The following RNF17 variants were observed in gnomAD, a reference collection of about 807,000 sequenced individuals.
The protein encoded by RNF17 is ring finger protein 17.
In RNF17, 31 loss-of-function variants were observed where a neutral mutation model predicts 200.5. The ratio of observed to expected loss-of-function variants is 0.15; its 90% CI spans 0.12 to 0.21. The LOEUF (loss-of-function observed/expected upper bound fraction) is 0.21. Among genes scored for constraint, RNF17 ranks in the 10% least tolerant of loss-of-function variants. The probability of loss-of-function intolerance (pLI) is 1.00; values close to 1 mark genes in which losing one functional copy is unlikely to be tolerated. For synonymous variants in RNF17, 606 were observed against 637.8 expected, an observed-to-expected ratio of 0.95 and a Z score of 0.75; for missense variants, 1,628 against 1,905.1, an observed-to-expected ratio of 0.85 and a Z score of 2.71.
intron 11 of RNF17, among the ~76,000 whole-genome samples, chr13:24,799,145 C>T (rs1022866519): frequency 1.3e-5 from 2 of 152,096 alleles, no homozygotes; most frequent in African/African-American, 2.4e-5. Context: ...TGCTCATAAG[C>T]TGGTTGTCAT....
chr13:24,855,212 A>G (rs570506101), intron 25 of RNF17, among the ~76,000 whole-genome samples: 2 of 152,238 alleles, frequency 1.3e-5, no homozygotes, highest in African/African-American at 2.4e-5. Flanking sequence ...TATCTGTTCT[A>G]TTGATAGACA....
chr13:24,861,945 A>G (rs1000869595), intron 27 of RNF17, among the ~76,000 whole-genome samples: 1 of 152,218 alleles, frequency 6.6e-6, no homozygotes, highest in Non-Finnish European at 1.5e-5. Flanking sequence ...AAGAGGCATT[A>G]GGAAACTTAC....
intron 17 of RNF17, 77 bp from the exon 18 acceptor site, chr13:24,831,781 A>G (rs1426188440): frequency 4.8e-6 from 6 of 1,259,092 alleles, no homozygotes; most frequent in Non-Finnish European, 6.7e-6. Context: ...AGTTTTGTAC[A>G]CACTTAATAA....
chr13:24,791,967 T>C (rs1037734899), intron 9 of RNF17, among the ~76,000 whole-genome samples: 12 of 152,190 alleles, frequency 7.9e-5, no homozygotes, highest in African/African-American at 2.9e-4. Flanking sequence ...TAGATTCCTC[T>C]CCATCAGAGG....
At chr13:24,866,639 T>C (rs370298133) in intron 30 of RNF17, among the ~76,000 whole-genome samples, 12 of 152,376 alleles carry the variant, frequency 7.9e-5, no homozygotes, top group East Asian at 7.7e-4. Context: ...TAAAATTCCA[T>C]TGTATGGATG....
rs1284004607 is a variant in RNF17 at position 24,778,386 on chromosome 13, A to G, written c.409A>G (p.Asn137Asp). 1 of 1,611,912 alleles carries G rather than the reference A, an allele frequency of 6.2e-7. No homozygotes were observed. The highest frequency in any genetic ancestry group is 8.5e-7 in the Non-Finnish European group (1 of 1,177,966). ...RSASTDKTLL[N>D]SSAVMLDTNT... ...AGCCTCCACAGACAAGACTCTTTTG[A>G]ACTCATCAGCTGTAATGTTGGTATG... The change falls in exon 4 of 36, where the codon AAC (asparagine) becomes GAC (aspartate). Residue 137 changes from asparagine to aspartate, a missense_variant. Physicochemically the swap from Asn to Asp is conservative, Grantham distance 23. Around this residue, in one of 5 missense-constraint regions of RNF17, gnomAD observed 502 missense variants for 501.7 expected, o/e 1.00. Transcript: ENST00000255324.
intron 15 of RNF17, among the ~76,000 whole-genome samples, chr13:24,818,774 A>C (rs1255894404): frequency 1.3e-5 from 2 of 152,120 alleles, no homozygotes; most frequent in African/African-American, 4.8e-5. Context: ...TGTATAGCAT[A>C]AGGTATAAAG....
intron 3 of RNF17, among the ~76,000 whole-genome samples, chr13:24,776,031 GGTAA>G (rs1387464058): frequency 6.6e-6 from 1 of 152,082 alleles, no homozygotes; most frequent in African/African-American, 2.4e-5. Context: ...TATTTAATAT[GGTAA>G]GTAGACTATG....
chr13:24,764,166 C>A, upstream of RNF17: 1 of 1,547,862 alleles, frequency 6.5e-7, no homozygotes, highest in Non-Finnish European at 8.8e-7. Context: ...GCCGCCGGGA[C>A]TCGCACTCGG....
intron 1 of RNF17, among the ~76,000 whole-genome samples, chr13:24,766,948 C>A (rs1268440453): frequency 6.6e-6 from 1 of 152,178 alleles, no homozygotes; most frequent in Admixed American, 6.5e-5. Flanking sequence ...AATAAGTCAA[C>A]CATTTCAAAC....
chr13:24,845,745 T>C (rs768581341), intron 22 of RNF17, among the ~76,000 whole-genome samples: 9 of 152,172 alleles, frequency 5.9e-5, no homozygotes, highest in Non-Finnish European at 1.2e-4. Flanking sequence ...AGTTCTTATA[T>C]GAATGCAAGA....
downstream of RNF17, among the ~76,000 whole-genome samples, chr13:24,883,716 T>G (rs1251454924): frequency 4.6e-5 from 7 of 152,102 alleles, no homozygotes; most frequent in African/African-American, 1.7e-4. Flanking sequence ...GGGAAGAGAG[T>G]TAGTTATTCC....
intron 25 of RNF17, among the ~76,000 whole-genome samples, chr13:24,854,877 C>T (rs998592699): frequency 2.0e-5 from 3 of 152,014 alleles, no homozygotes; most frequent in African/African-American, 7.3e-5. Context: ...GATGAGTAGC[C>T]ACATACACAT....
chr13:24,757,337 T>C, the RNF17 span, among the ~76,000 whole-genome samples: 7 of 145,572 alleles, frequency 4.8e-5, no homozygotes, highest in Admixed American at 2.1e-4. Flanking sequence ...TTTTTTTTTT[T>C]CCTTGAGGTG....
the RNF17 span, chr13:24,750,719 A>C: frequency 6.6e-6 from 1 of 152,234 alleles, no homozygotes; most frequent in Non-Finnish European, 1.5e-5. Flanking sequence ...ATACTGAAAC[A>C]GTCTTTTAAA....
chr13:24,859,195 A>G, intron 26 of RNF17, 31 bp downstream of exon 26: 1 of 1,533,210 alleles, frequency 6.5e-7, no homozygotes, highest in Non-Finnish European at 8.8e-7. Flanking sequence ...TGACAATTCT[A>G]AAGCTAAATG....
chr13:24,794,272 G>A (rs1172493834), intron 10 of RNF17: 2 of 454,220 alleles, frequency 4.4e-6, no homozygotes, highest in East Asian at 7.0e-5. Flanking sequence ...TGAGCTTGAT[G>A]TAGTGGAGTT....
chr13:24,854,941 A>G (rs980661183), intron 25 of RNF17, among the ~76,000 whole-genome samples: 4 of 152,160 alleles, frequency 2.6e-5, no homozygotes, highest in African/African-American at 9.7e-5. Context: ...GTGTTGCCCC[A>G]CTTGATCACG....
upstream of RNF17, among the ~76,000 whole-genome samples, chr13:24,760,964 CAA>C (rs1447364005): frequency 6.6e-6 from 1 of 151,858 alleles, no homozygotes; most frequent in Non-Finnish European, 1.5e-5. Flanking sequence ...AAAAAAAAGA[CAA>C]AAGATAACAA....
Sources: allele counts gnomAD v4.1 joint callset (sites outside exome capture counted in the v4.1 genomes callset), GRCh38; gene constraint gnomAD v4.1.1; regional missense constraint gnomAD v4.1.1; transcripts MANE v1.5; gene names NCBI Gene and HGNC (gene_info 2026-07-23, HGNC 2026-07-21).